CFAP43: variants seen among roughly 807,000 people sequenced by gnomAD.
The protein encoded by CFAP43 is cilia- and flagella-associated protein 43.
A neutral mutation model predicts 218.9 loss-of-function variants in CFAP43; 155 were observed. The ratio of observed to expected loss-of-function variants is 0.71; its 90% CI spans 0.62 to 0.81. The LOEUF (loss-of-function observed/expected upper bound fraction) is 0.81. Among genes scored for constraint, CFAP43 ranks in the 30% least tolerant of loss-of-function variants. CFAP43 has a pLI of 0.00. For synonymous variants in CFAP43, 645 were observed against 681.3 expected (o/e 0.95, Z 0.83); for missense variants, 1,778 against 1,954.3 (o/e 0.91, Z 1.70).
chr10:104,175,225 A>C (rs773597886), intron 19 of CFAP43, among the ~76,000 whole-genome samples: 2 of 152,104 alleles, frequency 1.3e-5, no homozygotes, highest in Non-Finnish European at 1.5e-5. Flanking sequence ...GGAATTCAAG[A>C]CCAGCCTGGG....
chr10:104,229,383 T>C (rs934208505), intron 2 of CFAP43, among the ~76,000 whole-genome samples: 6 of 151,700 alleles, frequency 4.0e-5, no homozygotes, highest in African/African-American at 1.5e-4. Context: ...CCGGGCACAG[T>C]GGCTCACGCC....
chr10:104,193,387 C>T (rs2090286862), intron 11 of CFAP43: 2 of 152,702 alleles, frequency 1.3e-5, no homozygotes, highest in Admixed American at 1.3e-4. Flanking sequence ...AAGGCAGTGA[C>T]TCTGCAGCCC....
In CFAP43 at chr10:104,131,543, C is replaced by G. The variant is rs2087194287; in HGVS notation, c.4678-59G>C. 4.0e-6 allele frequency: 6 copies of G among 1,511,884 alleles called. No homozygotes were observed. In the Admixed American group the frequency reaches 1.3e-4, roughly 32 times the overall value. 93.7% of individuals were successfully genotyped at this position (1,511,884 alleles called of 1,614,324 possible). Reference sequence around the variant, plus strand: ...TTAATTTTGAAAAATGTAATTTATCCTATAAAGACATTATTCTTATATTTT... The same window carrying G: ...TTAATTTTGAAAAATGTAATTTATCGTATAAAGACATTATTCTTATATTTT... On this transcript the variant is annotated intron_variant, in intron 36 of 37. Coordinates refer to ENST00000357060, the MANE Select transcript of CFAP43 (RefSeq NM_025145.7).
Position 104,187,435 on chromosome 10 carries a change from T to C in CFAP43, c.1745A>G (p.Tyr582Cys), listed in dbSNP as rs768248089. 1 of 1,604,472 alleles carries C rather than the reference T, an allele frequency of 6.2e-7. No individual in the cohort carries two copies. Among genetic ancestry groups the C allele is most frequent in the South Asian group, 1.1e-5 (1 of 88,966 alleles). ...GRLKDEIIHK[Y>C]LYELEHALSS... The stretch of plus-strand genomic sequence containing the variant: ...CAGAGCGTGCTCCAACTCATACAGG[T>C]ACTTATGAATGATTTCATCTTTCAG... The change falls in exon 14 of 38, where the codon TAC becomes TGC. Residue 582 changes from tyrosine to cysteine, a missense_variant. Physicochemically the swap from Tyr to Cys is radical, Grantham distance 194 (BLOSUM62 -2). Transcript: ENST00000357060.
At chr10:104,153,014 T>C (rs542790075) in intron 27 of CFAP43, among the ~76,000 whole-genome samples, 1 of 152,262 alleles carries the variant, frequency 6.6e-6, no homozygotes, top group East Asian at 1.9e-4. Flanking sequence ...TTGCAGCAAA[T>C]CTTTCCAGAA....
Position 104,131,459 on chromosome 10 carries a change from C to G in CFAP43, c.4703G>C (p.Cys1568Ser), listed in dbSNP as rs1407256916. The G allele has an allele frequency of 6.2e-7, 1 of 1,611,140 alleles. No homozygotes were observed. The highest frequency in any genetic ancestry group is 8.5e-7 in the Non-Finnish European group (1 of 1,179,308). ...DKMHKKNVEN[C>S]KKLLKKLGKF... ...TCCAAGTTTTTTGAGTAGTTTCTTG[C>G]AGTTTTCCACATTCTTTTTGTGCAT... Residue 1568 changes from cysteine (C) to serine (S), a missense_variant, in exon 37 of 38, where the codon TGC becomes TCC. Physicochemically the swap from Cys to Ser is moderately radical, Grantham distance 112. Coordinates refer to ENST00000357060, the MANE Select transcript of CFAP43 (RefSeq NM_025145.7).
At chr10:104,167,810 G>A (rs552994982) in intron 21 of CFAP43, 73 bp from the exon 22 acceptor site, 1 of 1,080,532 alleles carries the variant, frequency 9.3e-7, no homozygotes. Flanking sequence ...TTGAGTAGGG[G>A]ATGTTTTCTG....
intron 19 of CFAP43, among the ~76,000 whole-genome samples, 154 bp from the exon 20 acceptor site, chr10:104,172,689 T>G (rs562249366): frequency 6.6e-6 from 1 of 152,320 alleles, no homozygotes; most frequent in Non-Finnish European, 1.5e-5. Context: ...ATGGGCTTAT[T>G]GTGGTTATTG....
At chr10:104,143,242 G>C (rs2087790326) in intron 32 of CFAP43, among the ~76,000 whole-genome samples, 184 bp downstream of exon 32, 1 of 152,076 alleles carries the variant, frequency 6.6e-6, no homozygotes, top group Non-Finnish European at 1.5e-5. Context: ...AAAAGCAACA[G>C]GCCTACACTT....
rs747245243 is a variant in CFAP43, at chr10:104,186,127, CCAAT to C, written c.1861-8_1861-5del. 4.1e-6 allele frequency: 6 copies of C among 1,473,074 alleles called. No individual in the cohort carries two copies. The highest frequency in any genetic ancestry group is 2.5e-5 in the Admixed American group (1 of 39,678). 91.3% of individuals were successfully genotyped at this position (1,473,074 alleles called of 1,614,324 possible). A position where few individuals can be genotyped will look rare whatever the true frequency, so the allele number is the denominator to read the frequency against. Reference sequence around the variant, plus strand: ...GAATGTAGATACCGGTATGTTCCTGCCAATCAAAGAAAATAACCACATTATAGAA... The same window carrying C: ...GAATGTAGATACCGGTATGTTCCTGCCAAAGAAAATAACCACATTATAGAA... On this transcript the variant is annotated splice_polypyrimidine_tract_variant and splice_region_variant and intron_variant, in intron 14 of 37. Transcript: ENST00000357060.
intron 1 of CFAP43, among the ~76,000 whole-genome samples, chr10:104,231,421 A>C (rs2091445072): frequency 6.6e-6 from 1 of 152,222 alleles, no homozygotes; most frequent in Non-Finnish European, 1.5e-5. Flanking sequence ...AGGCTAGCAC[A>C]CAAAAAGAAC....
At chr10:104,162,184 G>A (rs1461461367) in intron 25 of CFAP43, 133 bp downstream of exon 25, 2 of 1,219,040 alleles carry the variant, frequency 1.6e-6, no homozygotes, top group East Asian at 4.7e-5. Flanking sequence ...GAGAGAAGGG[G>A]AAAGGAGGCC....
chr10:104,162,134 G>T, intron 25 of CFAP43, 93 bp from the exon 26 acceptor site: 1 of 1,362,602 alleles, frequency 7.3e-7, no homozygotes, highest in South Asian at 1.3e-5. Context: ...ACATTAGAAT[G>T]ACTGCATTTG....
chr10:104,157,178 T>G (rs1272033458), intron 27 of CFAP43, among the ~76,000 whole-genome samples: 1 of 152,230 alleles, frequency 6.6e-6, no homozygotes, highest in African/African-American at 2.4e-5. Context: ...TGATACTTTG[T>G]AGAGAACAAA....
Position 104,214,369 on chromosome 10 carries a change from G to C in CFAP43, c.474C>G (p.Asn158Lys), listed in dbSNP as rs748736457. The stretch of plus-strand genomic sequence containing the variant: ...AGTTCATGGGGTTAAAAGACATTTG[G>C]TTCACATCCATTCCAGGCTGTGATT... ...CKKSQPGMDV[N>K]QMSFNPMNWR... The change falls in exon 4 of 38, where the codon AAC (asparagine) becomes AAG (lysine). Residue 158 changes from asparagine to lysine, a missense_variant. Physicochemically the swap from Asn to Lys is moderately conservative, Grantham distance 94 (BLOSUM62 0). Transcript: ENST00000357060. The C allele has an allele frequency of 3.1e-6, 5 of 1,609,758 alleles. No individual in the cohort carries two copies. The highest frequency in any genetic ancestry group is 4.2e-6 in the Non-Finnish European group (5 of 1,177,740).
chr10:104,143,638 T>C lies in CFAP43; in HGVS notation c.3946A>G (p.Ile1316Val). ...TCTGAGTGCGTTTTCTGTTTGGAAATCCTGGTATTACCAAGAAAAGCCCAT... is the reference window on the plus strand; with the variant it reads ...TCTGAGTGCGTTTTCTGTTTGGAAACCCTGGTATTACCAAGAAAAGCCCAT... The part of the protein sequence containing the change: ...LYKLFKRRPR[I>V]SKQKTHSETT... Residue 1316 changes from isoleucine to valine, a missense_variant and splice_region_variant, in exon 32 of 38, where the codon ATT becomes GTT. Ile to Val is a conservative substitution (Grantham distance 29). Transcript: ENST00000357060. The C allele has an allele frequency of 6.2e-7, 1 of 1,613,982 alleles. No individual in the cohort carries two copies. The highest frequency in any genetic ancestry group is 8.5e-7 in the Non-Finnish European group (1 of 1,179,954).
chr10:104,173,812 T>C (rs2089508901), intron 19 of CFAP43, among the ~76,000 whole-genome samples: 1 of 151,506 alleles, frequency 6.6e-6, no homozygotes, highest in Admixed American at 6.6e-5. Context: ...TAACAGGGAG[T>C]TTCAATTATA....
At chr10:104,183,305 C>T (rs984491935) in intron 16 of CFAP43, among the ~76,000 whole-genome samples, 1 of 152,062 alleles carries the variant, frequency 6.6e-6, no homozygotes, top group Non-Finnish European at 1.5e-5. Flanking sequence ...AGACCCCCTA[C>T]CTTAAGTAAC....
chr10:104,220,910 T>G (rs1339514884), intron 3 of CFAP43, among the ~76,000 whole-genome samples: 1 of 152,084 alleles, frequency 6.6e-6, no homozygotes, highest in Non-Finnish European at 1.5e-5. Flanking sequence ...CCTAGAAATT[T>G]TATGTAACCA....
Sources: gnomAD v4.1 joint callset for allele counts (sites outside exome capture counted in the v4.1 genomes callset) on GRCh38, gnomAD v4.1.1 for gene constraint, MANE v1.5 for transcripts, NCBI Gene and HGNC (gene_info 2026-07-23, HGNC 2026-07-21) for gene names.